The following NPSR1 variants were observed in gnomAD, a reference collection of about 807,000 sequenced individuals.
NPSR1 encodes the protein neuropeptide S receptor.
In NPSR1, 48 loss-of-function variants were observed where a neutral mutation model predicts 46.9. That is an observed-to-expected ratio of 1.02 (90% confidence interval 0.81 to 1.30). The LOEUF (loss-of-function observed/expected upper bound fraction) is 1.30, where lower values mean the gene tolerates loss of function less well. NPSR1 is among the 50% of genes most tolerant of loss of function. The pLI is 0.00. For missense variants in NPSR1, 450 were observed against 449.5 expected, an observed-to-expected ratio of 1.00 and a Z score of -0.01; for synonymous variants, 176 against 168.1, an observed-to-expected ratio of 1.05 and a Z score of -0.36.
At chr7:34,813,667 C>T (rs1221851930) in intron 4 of NPSR1, among the ~76,000 whole-genome samples, 2 of 152,102 alleles carry the variant, frequency 1.3e-5, no homozygotes, top group Non-Finnish European at 2.9e-5. Context: ...AGAGAACACA[C>T]AAAAGAAAAC....
At position 34,684,667 on chromosome 7, in the gene NPSR1, C is replaced by G; in HGVS notation, c.263C>G (p.Thr88Ser). The change falls in exon 2 of 9, where the codon ACT becomes AGT. Residue 88 changes from threonine (T) to serine (S), a missense_variant. By Grantham distance (58) the Thr-to-Ser change is moderately conservative. Transcript: ENST00000360581. ...KKKSRMTFFVTQLAITDSFTG... is the reference protein window; with the variant it reads ...KKKSRMTFFVSQLAITDSFTG... ...AAGTCAAGAATGACCTTCTTTGTGA[C>G]TCAGCTGGCCATCACAGGTAAGTAA... 6.2e-7 allele frequency: 1 copy of G among 1,612,148 alleles called. No individual in the cohort carries two copies. Among genetic ancestry groups the G allele is most frequent in the Non-Finnish European group, 8.5e-7 (1 of 1,179,256 alleles).
chr7:34,711,513 G>A (rs1264199241), intron 2 of NPSR1: 1 of 152,032 alleles, frequency 6.6e-6, no homozygotes, highest in Admixed American at 6.6e-5. Flanking sequence ...TTGTAATCTT[G>A]TCAGTTAATA....
chr7:34,703,399 T>C (rs1793945006), intron 2 of NPSR1, among the ~76,000 whole-genome samples: 1 of 132,896 alleles, frequency 7.5e-6, no homozygotes, highest in Non-Finnish European at 1.6e-5. Flanking sequence ...AATAAATAAA[T>C]AAATAAAGCA....
At chr7:34,660,208 T>C (rs1229748429) in intron 1 of NPSR1, 1 of 448,500 alleles carries the variant, frequency 2.2e-6, no homozygotes. Flanking sequence ...GCTGGACCAC[T>C]GGACAAGGAG....
At chr7:34,792,703 A>ATATATATATG (rs57249705) in intron 3 of NPSR1, among the ~76,000 whole-genome samples, 170 of 88,452 alleles carry the variant, frequency 1.9e-3, no homozygotes, top group African/African-American at 3.7e-3. Context: ...ATATATACGT[A>ATATATATATG]TATATATATA....
intron 1 of NPSR1, among the ~76,000 whole-genome samples, chr7:34,664,484 A>G (rs934109639): frequency 9.9e-5 from 15 of 152,200 alleles, no homozygotes; most frequent in Non-Finnish European, 1.2e-4. Context: ...AGGAGGCAGC[A>G]TTAGCTGTAA....
intron 8 of NPSR1, among the ~76,000 whole-genome samples, chr7:34,874,949 C>T (rs1791541763): frequency 1.3e-5 from 2 of 152,144 alleles, no homozygotes; most frequent in Admixed American, 1.3e-4. Context: ...ATGTATTTTT[C>T]AAGGATCCTG....
At chr7:34,821,728 T>G (rs1264249031) in intron 4 of NPSR1, among the ~76,000 whole-genome samples, 3 of 152,186 alleles carry the variant, frequency 2.0e-5, no homozygotes, top group Non-Finnish European at 4.4e-5. Flanking sequence ...CTGTGTAATA[T>G]CATCAAGAGT....
intron 2 of NPSR1, among the ~76,000 whole-genome samples, chr7:34,721,597 C>T (rs750567919): frequency 6.6e-6 from 1 of 152,174 alleles, no homozygotes; most frequent in Admixed American, 6.5e-5. Context: ...AAGAAAAAGG[C>T]CCCAAAGTTT....
rs577186339 is a variant in NPSR1, at chr7:34,823,399, G to GAAAAAAAA, written c.479-3992_479-3985dup. ...TTGGCAACAGAGCAAGACTTCACCA[G>GAAAAAAAA]AAAAAAAAAAAAAAAAACAACACCA... On this transcript the variant is annotated intron_variant, in intron 4 of 8. Coordinates refer to ENST00000360581, the MANE Select transcript of NPSR1 (RefSeq NM_207172.2). Among the ~76,000 whole-genome samples the GAAAAAAAA allele has an allele frequency of 3.2e-3, 218 of 68,192 alleles. 15 individuals are homozygous for GAAAAAAAA. The highest frequency in any genetic ancestry group is 6.6e-3 in the South Asian group (15 of 2,270). 44.7% of individuals were successfully genotyped at this position (68,192 alleles called of 152,430 possible).
intron 3 of NPSR1, among the ~76,000 whole-genome samples, chr7:34,796,035 C>G (rs1468549211): frequency 6.6e-6 from 1 of 152,010 alleles, no homozygotes; most frequent in East Asian, 1.9e-4. Flanking sequence ...AGACAGTGTG[C>G]TATTAGTGAA....
chr7:34,862,807 T>C (rs1239765371), intron 8 of NPSR1, among the ~76,000 whole-genome samples: 3 of 151,814 alleles, frequency 2.0e-5, no homozygotes, highest in Non-Finnish European at 4.4e-5. Context: ...GGTTTTTGCC[T>C]GTTATCCCAG....
At chr7:34,776,431 ACCCCT>A (rs1786961286) in intron 2 of NPSR1, among the ~76,000 whole-genome samples, 1 of 151,948 alleles carries the variant, frequency 6.6e-6, no homozygotes, top group African/African-American at 2.4e-5. Flanking sequence ...TGCTGAATTG[ACCCCT>A]TTTTCACTAT....
chr7:34,741,959 G>A (rs1784960317), intron 2 of NPSR1, among the ~76,000 whole-genome samples: 2 of 152,178 alleles, frequency 1.3e-5, no homozygotes, highest in South Asian at 4.1e-4. Flanking sequence ...AGCATTTGTT[G>A]CTGGATGTAT....
chr7:34,659,222 C>T (rs533067902), intron 1 of NPSR1, among the ~76,000 whole-genome samples: 11 of 152,210 alleles, frequency 7.2e-5, no homozygotes, highest in South Asian at 4.2e-4. Flanking sequence ...TTTCTTATTC[C>T]GCAACAAGAT....
At chr7:34,718,592 A>G (rs1166563683) in intron 2 of NPSR1, among the ~76,000 whole-genome samples, 1 of 152,202 alleles carries the variant, frequency 6.6e-6, no homozygotes, top group Non-Finnish European at 1.5e-5. Flanking sequence ...AGGAAGGTCA[A>G]TACAGCCTCT....
At chr7:34,806,540 A>G (rs1788706839) in intron 3 of NPSR1, among the ~76,000 whole-genome samples, 1 of 152,134 alleles carries the variant, frequency 6.6e-6, no homozygotes, top group African/African-American at 2.4e-5. Context: ...AAAGCAGTGG[A>G]TTTTTAGGAC....
At chr7:34,875,309 T>C (rs1222909654) in intron 8 of NPSR1, among the ~76,000 whole-genome samples, 1 of 152,164 alleles carries the variant, frequency 6.6e-6, no homozygotes, top group East Asian at 1.9e-4. Flanking sequence ...TTAGTAAAAA[T>C]ACAGACTCTC....
chr7:34,842,639 A>G (rs1471968987), intron 6 of NPSR1, among the ~76,000 whole-genome samples: 1 of 152,228 alleles, frequency 6.6e-6, no homozygotes, highest in African/African-American at 2.4e-5. Flanking sequence ...GAAGACCCTA[A>G]TAGTAGTTAG....
Sources: gnomAD v4.1 joint callset for allele counts (sites outside exome capture counted in the v4.1 genomes callset) on GRCh38, gnomAD v4.1.1 for gene constraint, MANE v1.5 for transcripts, NCBI Gene and HGNC (gene_info 2026-07-23, HGNC 2026-07-21) for gene names.